SLC35D1: variants seen among roughly 807,000 people sequenced by gnomAD.
SLC35D1 encodes solute carrier family 35 member D1, also known as nucleotide sugar transporter SLC35D1.
SLC35D1 carries 31 observed loss-of-function variants against 46.7 expected under a neutral mutation model. The observed-to-expected ratio is 0.66, with a 90% CI of 0.50 to 0.90. The LOEUF (loss-of-function observed/expected upper bound fraction) is 0.90, where lower values mean the gene tolerates loss of function less well. Among genes scored for constraint, SLC35D1 ranks in the 40% least tolerant of loss-of-function variants. SLC35D1 has a pLI of 0.00. For synonymous variants in SLC35D1, 195 were observed against 164.6 expected (o/e 1.18, Z -1.41); for missense variants, 397 against 426.2 (o/e 0.93, Z 0.60).
chr1:66,981,849 A>G, the SLC35D1 span: 4 of 1,613,982 alleles, frequency 2.5e-6, no homozygotes, highest in South Asian at 3.3e-5. Flanking sequence ...CCCTCCCCCA[A>G]CTGCATCAAA....
In SLC35D1 at chr1:67,004,267, C is replaced by G; in HGVS notation, c.*73G>C. ...CTCCATAATCAAGACACCTCAGTGT[C>G]TCTGTAGGAACTGCCAGTGTTCTGA... On this transcript the variant is annotated 3_prime_UTR_variant, in exon 12 of 12. Transcript: ENST00000235345. 8.1e-7 allele frequency: 1 copy of G among 1,235,602 alleles called. No homozygotes were observed. The highest frequency in any genetic ancestry group is 1.2e-6 in the Non-Finnish European group (1 of 837,250). 76.5% of individuals were successfully genotyped at this position (1,235,602 alleles called of 1,614,324 possible).
At chr1:67,029,288 G>C (rs1313446109) in intron 8 of SLC35D1, among the ~76,000 whole-genome samples, 2 of 152,170 alleles carry the variant, frequency 1.3e-5, no homozygotes, top group African/African-American at 4.8e-5. Context: ...CAAATACCTT[G>C]ATGATTTATC....
chr1:67,043,236 G>A (rs921500766), intron 7 of SLC35D1, among the ~76,000 whole-genome samples: 86 of 151,956 alleles, frequency 5.7e-4, no homozygotes, highest in African/African-American at 1.7e-3. Context: ...ATGGTGGCAC[G>A]TTCCTGTAAA....
Position 67,022,220 on chromosome 1 carries a change from G to A in SLC35D1, c.730-618C>T, listed in dbSNP as rs556073935. 1.1e-4 allele frequency among the ~76,000 whole-genome samples: 16 copies of A among 152,278 alleles called. No individual in the cohort carries two copies. The East Asian group carries it at 2.7e-3, about 26-fold the overall frequency. On this transcript the variant is annotated intron_variant, in intron 8 of 11. Coordinates refer to ENST00000235345, the MANE Select transcript of SLC35D1 (RefSeq NM_015139.3). ...ACTGATCATCTCATCTCTTGTCCAA[G>A]AGGAATGGATTCTCAAGTACCTAGT...
chr1:66,993,756 T>C, the SLC35D1 span, among the ~76,000 whole-genome samples: 1 of 152,170 alleles, frequency 6.6e-6, no homozygotes, highest in Admixed American at 6.5e-5. Flanking sequence ...AGGATTAAAA[T>C]GTGTCAATAC....
At chr1:66,988,471 GTCATGTACCCT>G in the SLC35D1 span, 2 of 152,174 alleles carry the variant, frequency 1.3e-5, no homozygotes, top group African/African-American at 4.8e-5. Flanking sequence ...ATAAACTCTT[GTCATGTACCCT>G]TAGTATTGTG....
chr1:66,978,522 T>C, the SLC35D1 span, among the ~76,000 whole-genome samples: 2 of 152,202 alleles, frequency 1.3e-5, no homozygotes, highest in Non-Finnish European at 2.9e-5. Flanking sequence ...GTTAATTTTT[T>C]TTCCATTGGT....
the SLC35D1 span, among the ~76,000 whole-genome samples, chr1:66,984,258 A>G: frequency 0.22 from 33,114 of 152,162 alleles, 3,966 homozygotes; most frequent in Non-Finnish European, 0.26. Context: ...GCTGTCACAT[A>G]TACCTAATAT....
chr1:66,989,199 C>G, the SLC35D1 span, among the ~76,000 whole-genome samples: 1 of 152,144 alleles, frequency 6.6e-6, no homozygotes, highest in Non-Finnish European at 1.5e-5. Context: ...ATGAGCACTA[C>G]TATTTATTAG....
At chr1:66,983,078 G>GA in the SLC35D1 span, among the ~76,000 whole-genome samples, 1 of 152,298 alleles carries the variant, frequency 6.6e-6, no homozygotes, top group Admixed American at 6.5e-5. Flanking sequence ...GTTAGGCTAG[G>GA]AAAGTGTTCA....
chr1:66,998,404 G>A (rs971122775), downstream of SLC35D1, among the ~76,000 whole-genome samples: 5 of 152,096 alleles, frequency 3.3e-5, no homozygotes, highest in African/African-American at 9.7e-5. Flanking sequence ...CAGGAGAATC[G>A]CTTGAACCCG....
intron 11 of SLC35D1, 33 bp downstream of exon 11, chr1:67,009,052 G>T (rs370452939): frequency 3.9e-6 from 4 of 1,025,042 alleles, no homozygotes; most frequent in South Asian, 2.6e-5. Context: ...ATCCAATTCC[G>T]ATTTTGCAAT....
intron 10 of SLC35D1, among the ~76,000 whole-genome samples, chr1:67,019,026 T>A (rs1667741259): frequency 6.6e-6 from 1 of 152,200 alleles, no homozygotes. Flanking sequence ...CATGGAGTTC[T>A]TGGACTACTG....
Position 67,044,647 on chromosome 1 carries a change from C to T in SLC35D1, c.637-2319G>A, listed in dbSNP as rs190580480. Among the ~76,000 whole-genome samples, 348 of 152,254 alleles carry T rather than the reference C, an allele frequency of 2.3e-3. 1 individual carries two copies. Among genetic ancestry groups the T allele is most frequent in the Non-Finnish European group, 2.6e-3 (177 of 68,026 alleles). On this transcript the variant is annotated intron_variant, in intron 7 of 11. Transcript: ENST00000235345. The stretch of plus-strand genomic sequence containing the variant: ...TTATGTTTTCTTCCTCTTGCTTATC[C>T]ATGTTTTCTACTACTTCTATCATAA...
intron 8 of SLC35D1, among the ~76,000 whole-genome samples, chr1:67,029,698 C>T (rs1570626905): frequency 1.3e-5 from 2 of 152,268 alleles, no homozygotes; most frequent in South Asian, 2.1e-4. Context: ...CTGAACTTTG[C>T]TTTTTAATAC....
At chr1:66,976,791 T>C in the SLC35D1 span, 6 of 1,291,256 alleles carry the variant, frequency 4.6e-6, no homozygotes, top group Admixed American at 2.7e-5. Flanking sequence ...TTTCTTGAGT[T>C]AATTATTATT....
At chr1:67,021,758 C>T (rs1011263192) in intron 8 of SLC35D1, among the ~76,000 whole-genome samples, 156 bp from the exon 9 acceptor site, 1 of 150,038 alleles carries the variant, frequency 6.7e-6, no homozygotes, top group African/African-American at 2.5e-5. Context: ...CACACACACA[C>T]AGGTATATGT....
chr1:67,009,311 T>C (rs1667517018), intron 10 of SLC35D1, 144 bp from the exon 11 acceptor site: 2 of 387,830 alleles, frequency 5.2e-6, no homozygotes, highest in South Asian at 4.2e-5. Flanking sequence ...ACCCTAATAA[T>C]AGTATAAGGA....
chr1:67,047,626 G>A lies in SLC35D1; in HGVS notation c.534-259C>T, dbSNP rs1476540033. On this transcript the variant is annotated intron_variant, in intron 6 of 11. Transcript: ENST00000235345. ...CATTCATGTCATTTAATAGCACACC[G>A]CTCTGCATTCAAAGCCAGATGACAA... 4.6e-5 allele frequency among the ~76,000 whole-genome samples: 7 copies of A among 152,216 alleles called. No individual in the cohort carries two copies. The South Asian group carries it at 8.3e-4, about 18-fold the overall frequency.
Sources: gnomAD v4.1 joint callset for allele counts (sites outside exome capture counted in the v4.1 genomes callset) on GRCh38, gnomAD v4.1.1 for gene constraint, MANE v1.5 for transcripts, NCBI Gene and HGNC (gene_info 2026-07-23, HGNC 2026-07-21) for gene names.